Variants in WDR11 observed in about 807,000 individuals in gnomAD.
The protein encoded by WDR11 is WD repeat-containing protein 11.
In WDR11, 83 loss-of-function variants were observed where a neutral mutation model predicts 151.2. The observed-to-expected ratio is 0.55, with a 90% CI of 0.46 to 0.66. The LOEUF (loss-of-function observed/expected upper bound fraction) is 0.66, where lower values mean the gene tolerates loss of function less well. WDR11 is among the 30% of genes least tolerant of loss of function. The pLI, the probability that WDR11 is intolerant of heterozygous loss-of-function variation, is 0.00. For missense variants in WDR11, 1,301 were observed against 1,480.9 expected (o/e 0.88, Z 1.99); for synonymous variants, 484 against 533.1 (o/e 0.91, Z 1.27).
chr10:120,853,490 C>T (rs535272031), intron 2 of WDR11, among the ~76,000 whole-genome samples: 1 of 152,250 alleles, frequency 6.6e-6, no homozygotes, highest in Admixed American at 6.5e-5. Context: ...TGGTCTCGAG[C>T]TCCTGACCTC....
At chr10:120,864,079 G>T (rs758652071) in intron 5 of WDR11, among the ~76,000 whole-genome samples, 45 of 152,072 alleles carry the variant, frequency 3.0e-4, no homozygotes, top group Admixed American at 1.4e-3. Flanking sequence ...ATTTCTTCAA[G>T]TAGAACCGCT....
chr10:120,884,228 C>T, intron 14 of WDR11, among the ~76,000 whole-genome samples: 1 of 152,066 alleles, frequency 6.6e-6, no homozygotes, highest in South Asian at 2.1e-4. Flanking sequence ...GTGGGGTTGG[C>T]CCTTCCTACC....
rs1212441399 is a variant in WDR11 at position 120,851,410 on chromosome 10, T to C, written c.-11T>C. 3.1e-6 allele frequency: 5 copies of C among 1,606,664 alleles called. No individual in the cohort carries two copies. The African/African-American group carries it at 5.3e-5, about 17-fold the overall frequency. On this transcript the variant is annotated 5_prime_UTR_variant, in exon 1 of 29. Coordinates refer to ENST00000263461, the MANE Select transcript of WDR11 (RefSeq NM_018117.12). ...GCGGGTCAGCGCCCAGGTCCTGGGCTGGCCGCCGGGATGTTGCCCTACACA... is the reference window on the plus strand; with the variant it reads ...GCGGGTCAGCGCCCAGGTCCTGGGCCGGCCGCCGGGATGTTGCCCTACACA...
chr10:120,853,487 G>A (rs914804089), intron 2 of WDR11, among the ~76,000 whole-genome samples: 8 of 152,164 alleles, frequency 5.3e-5, no homozygotes, highest in African/African-American at 1.9e-4. Context: ...GGATGGTCTC[G>A]AGCTCCTGAC....
rs1366226342 is a variant in WDR11 at position 120,908,814 on chromosome 10, G to A, written c.*101G>A. On this transcript the variant is annotated 3_prime_UTR_variant, in exon 29 of 29. Transcript: ENST00000263461. ...AGTCCAGGATGAAGAGGAGTACAGG[G>A]TCCTGTGAGCTGTTTGACCACTGTT... The A allele has an allele frequency of 1.1e-5, 15 of 1,337,856 alleles. No individual in the cohort carries two copies. In the East Asian group the frequency reaches 3.0e-4, roughly 27 times the overall value. 82.9% of individuals were successfully genotyped at this position (1,337,856 alleles called of 1,614,324 possible). A position where few individuals can be genotyped will look rare whatever the true frequency, so the allele number is the denominator to read the frequency against.
chr10:120,903,938 T>C, intron 23 of WDR11, 109 bp from the exon 24 acceptor site: 1 of 741,612 alleles, frequency 1.3e-6, no homozygotes. Context: ...TCTAGTAACC[T>C]GAAAAGTCAA....
chr10:120,906,683 G>GA, intron 27 of WDR11, 93 bp from the exon 28 acceptor site: 1 of 1,608,502 alleles, frequency 6.2e-7, no homozygotes, highest in Non-Finnish European at 8.5e-7. Context: ...GGTTTCCAGG[G>GA]AAAATGTGTA....
intron 19 of WDR11, among the ~76,000 whole-genome samples, chr10:120,891,377 TCTTG>T (rs1847424883): frequency 6.6e-6 from 1 of 152,178 alleles, no homozygotes; most frequent in Non-Finnish European, 1.5e-5. Flanking sequence ...GATTGCAGTA[TCTTG>T]CTCTGTTTTG....
chr10:120,856,575 CAAAAA>C lies in WDR11; in HGVS notation c.199-2051_199-2047del, dbSNP rs71019798. 5.9e-5 allele frequency among the ~76,000 whole-genome samples: 6 copies of C among 101,904 alleles called. No individual in the cohort carries two copies. The East Asian group carries it at 1.1e-3, about 19-fold the overall frequency. 66.9% of individuals were successfully genotyped at this position (101,904 alleles called of 152,430 possible). A position where few individuals can be genotyped will look rare whatever the true frequency, so the allele number is the denominator to read the frequency against. ...CGGCAACAGAATAAGACTCTGTCTC[CAAAAA>C]AAAAAAAAAAAAAAAATCCCTCCAC... On this transcript the variant is annotated intron_variant, in intron 2 of 28. Transcript: ENST00000263461.
At position 120,908,608 on chromosome 10, in the gene WDR11, C is replaced by T. The variant is rs745645916; in HGVS notation, c.3570C>T (p.Leu1190=). 8 of 1,614,072 alleles carry T rather than the reference C, an allele frequency of 5.0e-6. No individual in the cohort carries two copies. The highest frequency in any genetic ancestry group is 2.2e-5 in the East Asian group (1 of 44,896). The stretch of plus-strand genomic sequence containing the variant: ...ATTATGCCCGGAGTTTGAAGAACCT[C>T]GGTTTTAAGCAGGGAGCAGTTCTCT... The part of the protein sequence containing the change: ...YADYARSLKN[L]GFKQGAVLFA... Residue 1190 remains leucine (L), a synonymous_variant, in exon 29 of 29, where the codon CTC becomes CTT. Coordinates refer to ENST00000263461, the MANE Select transcript of WDR11 (RefSeq NM_018117.12).
In WDR11 at chr10:120,871,299, C is replaced by G; in HGVS notation, c.1424C>G (p.Pro475Arg). ...CAGTTTGCTATTCGTATGTGTCCAC[C>G]GTTGACCACAAAAAACATCAAGATG... Reference protein sequence around the residue: ...APQFAIRMCPPLTTKNIKMYQ... With the variant: ...APQFAIRMCPRLTTKNIKMYQ... The change falls in exon 10 of 29, where the codon CCG (proline) becomes CGG (arginine). Residue 475 changes from proline to arginine, a missense_variant. Coordinates refer to ENST00000263461, the MANE Select transcript of WDR11 (RefSeq NM_018117.12). 1 of 1,613,864 alleles carries G rather than the reference C, an allele frequency of 6.2e-7. No homozygotes were observed. Among genetic ancestry groups the G allele is most frequent in the Non-Finnish European group, 8.5e-7 (1 of 1,179,994 alleles).
intron 11 of WDR11, among the ~76,000 whole-genome samples, chr10:120,878,120 C>T (rs1035497318): frequency 1.3e-5 from 2 of 152,124 alleles, no homozygotes; most frequent in Non-Finnish European, 2.9e-5. Flanking sequence ...GATAATTAAA[C>T]TATCTTGTCA....
Position 120,890,875 on chromosome 10 carries a change from C to A in WDR11, c.2503C>A (p.Gln835Lys). 1 of 1,614,114 alleles carries A rather than the reference C, an allele frequency of 6.2e-7. No homozygotes were observed. Among genetic ancestry groups the A allele is most frequent in the South Asian group, 1.1e-5 (1 of 91,080 alleles). Residue 835 changes from glutamine to lysine, a missense_variant, in exon 19 of 29, where the codon CAA becomes AAA. Physicochemically the swap from Gln to Lys is moderately conservative, Grantham distance 53. This residue lies in a region of WDR11 where 589 missense variants were observed against 670.6 expected (regional missense o/e 0.88). Transcript: ENST00000263461. ...MKSACFRMDE[Q>K]ELTEPVWCPY... ...GTCTGCGTGCTTTAGAATGGATGAA[C>A]AAGAGTTAACCGGTATGGAATCCTA... is the stretch of plus-strand genomic sequence containing the variant.
At chr10:120,892,246 C>T (rs1180695688) in intron 19 of WDR11, among the ~76,000 whole-genome samples, 3 of 152,198 alleles carry the variant, frequency 2.0e-5, no homozygotes, top group Non-Finnish European at 2.9e-5. Context: ...CATACTTGAA[C>T]ATCTGGCCTG....
intron 13 of WDR11, among the ~76,000 whole-genome samples, chr10:120,882,389 G>T (rs948921201): frequency 2.0e-5 from 3 of 151,570 alleles, no homozygotes; most frequent in African/African-American, 7.3e-5. Context: ...TACTGACCTT[G>T]CAGAACGTGT....
intron 10 of WDR11, 32 bp downstream of exon 10, chr10:120,871,378 A>G (rs1293787675): frequency 6.3e-6 from 10 of 1,593,962 alleles, no homozygotes; most frequent in Non-Finnish European, 8.6e-6. Context: ...TTTTTTTTTA[A>G]CTCACTTTAT....
intron 2 of WDR11, among the ~76,000 whole-genome samples, chr10:120,855,878 C>G (rs1845928142): frequency 6.6e-6 from 1 of 152,128 alleles, no homozygotes; most frequent in Non-Finnish European, 1.5e-5. Context: ...TGGCTAGGAC[C>G]TCTACTACAA....
At chr10:120,907,214 C>G (rs1401486902) in intron 28 of WDR11, 5 of 273,266 alleles carry the variant, frequency 1.8e-5, no homozygotes, top group Non-Finnish European at 3.6e-5. Context: ...ACCAGACATT[C>G]CATGGAATAA....
At chr10:120,882,428 G>A (rs77794457) in intron 13 of WDR11, among the ~76,000 whole-genome samples, 2,526 of 149,866 alleles carry the variant, frequency 0.017, 20 homozygotes, top group African/African-American at 0.027. Context: ...CTTTTTTTTT[G>A]AATGAGTTTG....
Sources: gnomAD v4.1 joint callset for allele counts (sites outside exome capture counted in the v4.1 genomes callset) on GRCh38, gnomAD v4.1.1 for gene constraint, gnomAD v4.1.1 regional missense constraint, MANE v1.5 for transcripts, NCBI Gene and HGNC (gene_info 2026-07-23, HGNC 2026-07-21) for gene names.